Variants in PPFIA2 observed in about 807,000 individuals in gnomAD.
The protein encoded by PPFIA2 is liprin-alpha-2.
PPFIA2 carries 46 observed loss-of-function variants against 175.5 expected under a neutral mutation model. The observed-to-expected ratio is 0.26, with a 90% CI of 0.21 to 0.34. The LOEUF is 0.34. Ranked by LOEUF, PPFIA2 falls within the 10% of genes least tolerant of loss-of-function variation. The pLI, the probability that PPFIA2 is intolerant of heterozygous loss-of-function variation, is 1.00. For synonymous variants in PPFIA2, 568 were observed against 511.4 expected (o/e 1.11, Z -1.49); for missense variants, 1,179 against 1,506.1 (o/e 0.78, Z 3.60).
At chr12:81,666,731 T>C (rs1596209797) in intron 4 of PPFIA2, among the ~76,000 whole-genome samples, 1 of 152,024 alleles carries the variant, frequency 6.6e-6, no homozygotes, top group East Asian at 1.9e-4. Flanking sequence ...CTGCACGTTG[T>C]GCACACGTAC....
intron 30 of PPFIA2, among the ~76,000 whole-genome samples, chr12:81,264,403 A>G (rs2036578184): frequency 6.6e-6 from 1 of 152,192 alleles, no homozygotes; most frequent in Admixed American, 6.5e-5. Context: ...TCTAATTCCA[A>G]GGAAAATATG....
At position 81,516,018 on chromosome 12, in the gene PPFIA2, A is replaced by AT. The variant is rs2062389486; in HGVS notation, c.304-58153dup. Among the ~76,000 whole-genome samples the AT allele has an allele frequency of 2.6e-5, 4 of 151,738 alleles. No individual in the cohort carries two copies. The South Asian group carries it at 8.3e-4, about 32-fold the overall frequency. On this transcript the variant is annotated intron_variant, in intron 4 of 32. Transcript: ENST00000549396. ...GTTTAAATGGTTTTAAAGATATTAT[A>AT]TTTTTTCCACATGGATTGTGGGAAT... is the stretch of plus-strand genomic sequence containing the variant.
chr12:81,544,347 T>G (rs192553423), intron 4 of PPFIA2, among the ~76,000 whole-genome samples: 1 of 152,218 alleles, frequency 6.6e-6, no homozygotes, highest in Admixed American at 6.6e-5. Flanking sequence ...ATCCCCAAGA[T>G]GAGAATGTGC....
intron 7 of PPFIA2, among the ~76,000 whole-genome samples, chr12:81,429,726 T>A (rs554185650): frequency 6.6e-6 from 1 of 152,216 alleles, no homozygotes; most frequent in South Asian, 2.1e-4. Flanking sequence ...AATATTTGTA[T>A]CTCTTCCTTT....
chr12:81,391,512 TA>T (rs2040116738), intron 8 of PPFIA2, among the ~76,000 whole-genome samples: 4 of 151,930 alleles, frequency 2.6e-5, no homozygotes, highest in Admixed American at 2.6e-4. Context: ...AACAGGGAAG[TA>T]ACATGTAAAA....
intron 4 of PPFIA2, among the ~76,000 whole-genome samples, chr12:81,575,145 CTTG>C (rs2073280839): frequency 1.3e-5 from 2 of 151,768 alleles, no homozygotes; most frequent in Admixed American, 1.3e-4. Flanking sequence ...ACATTTCTAT[CTTG>C]TTGTTGATTT....
At chr12:81,427,129 A>G (rs893085410) in intron 7 of PPFIA2, among the ~76,000 whole-genome samples, 1 of 152,100 alleles carries the variant, frequency 6.6e-6, no homozygotes, top group African/African-American at 2.4e-5. Context: ...ATGTATATAT[A>G]CTAGATATGA....
At chr12:81,671,285 T>C (rs2071363081) in intron 4 of PPFIA2, among the ~76,000 whole-genome samples, 1 of 151,992 alleles carries the variant, frequency 6.6e-6, no homozygotes, top group African/African-American at 2.4e-5. Context: ...TATTCTTGTA[T>C]GTTCACCATG....
intron 4 of PPFIA2, among the ~76,000 whole-genome samples, chr12:81,667,655 G>C (rs2070604437): frequency 6.6e-6 from 1 of 151,876 alleles, no homozygotes; most frequent in Non-Finnish European, 1.5e-5. Flanking sequence ...TATTAAACAG[G>C]CTTTGTCATA....
chr12:81,549,581 G>T (rs1359746981), intron 4 of PPFIA2, among the ~76,000 whole-genome samples: 1 of 151,840 alleles, frequency 6.6e-6, no homozygotes, highest in African/African-American at 2.4e-5. Context: ...CAACAACCTG[G>T]TCGCTCCAAT....
chr12:81,261,284 A>G (rs991240459), intron 32 of PPFIA2: 5 of 152,166 alleles, frequency 3.3e-5, no homozygotes, highest in Non-Finnish European at 7.3e-5. Context: ...CAGTGGCACC[A>G]TCGCTCACTG....
chr12:81,321,981 A>AT (rs751041878), intron 22 of PPFIA2, among the ~76,000 whole-genome samples: 26 of 152,120 alleles, frequency 1.7e-4, no homozygotes, highest in Admixed American at 6.6e-4. Context: ...CTACATGCAC[A>AT]TGCCATCATG....
intron 4 of PPFIA2, among the ~76,000 whole-genome samples, chr12:81,530,835 A>C (rs1245531310): frequency 6.6e-6 from 1 of 151,920 alleles, no homozygotes; most frequent in Non-Finnish European, 1.5e-5. Context: ...GCAATGTTTT[A>C]GACATTCTGT....
At chr12:81,338,100 G>A (rs2057410630) in intron 21 of PPFIA2, among the ~76,000 whole-genome samples, 1 of 152,120 alleles carries the variant, frequency 6.6e-6, no homozygotes, top group Admixed American at 6.6e-5. Context: ...GGATACTGTA[G>A]TCATAAATCT....
chr12:81,587,222 T>C (rs1201479412), intron 4 of PPFIA2, among the ~76,000 whole-genome samples: 1 of 151,982 alleles, frequency 6.6e-6, no homozygotes, highest in Non-Finnish European at 1.5e-5. Context: ...GTAATTCCCA[T>C]GTGTCGAGGG....
chr12:81,507,018 G>C (rs1433624188), intron 4 of PPFIA2, among the ~76,000 whole-genome samples: 1 of 152,132 alleles, frequency 6.6e-6, no homozygotes, highest in Non-Finnish European at 1.5e-5. Flanking sequence ...TACACATACA[G>C]AATGGTGATA....
At position 81,630,323 on chromosome 12, in the gene PPFIA2, C is replaced by T. The variant is rs77497165; in HGVS notation, c.303+46468G>A. On this transcript the variant is annotated intron_variant, in intron 4 of 32. Coordinates refer to ENST00000549396, the MANE Select transcript of PPFIA2 (RefSeq NM_003625.5). ...CCAATGCAGATGCTTCTTTGATCAT[C>T]AGCTTTCAACTCCAGTCCTTATTGG... 5.0e-3 allele frequency among the ~76,000 whole-genome samples: 762 copies of T among 152,278 alleles called. 3 individuals carry two copies. Among genetic ancestry groups the T allele is most frequent in the African/African-American group, 0.014 (583 of 41,570 alleles).
rs1226970989 is a variant in PPFIA2, at chr12:81,411,424, C to T, written c.646-5521G>A. ...CAGCCTGATCCATTCCTTCTAGGCA[C>T]TCTCAAACACGTTATATTTTCAAGC... On this transcript the variant is annotated intron_variant, in intron 7 of 32. Transcript: ENST00000549396. Among the ~76,000 whole-genome samples the T allele has an allele frequency of 1.3e-5, 2 of 151,994 alleles. 1 individual carries two copies. The highest frequency in any genetic ancestry group is 2.9e-5 in the Non-Finnish European group (2 of 67,966).
intron 24 of PPFIA2, among the ~76,000 whole-genome samples, chr12:81,286,837 G>GT (rs375887696): frequency 6.6e-6 from 1 of 151,872 alleles, no homozygotes; most frequent in Non-Finnish European, 1.5e-5. Flanking sequence ...TACAGATGAT[G>GT]TTTTTTCTAT....
Sources: gnomAD v4.1 joint callset for allele counts (sites outside exome capture counted in the v4.1 genomes callset) on GRCh38, gnomAD v4.1.1 for gene constraint, MANE v1.5 for transcripts, NCBI Gene and HGNC (gene_info 2026-07-23, HGNC 2026-07-21) for gene names.